The following DOCK3 variants were observed in gnomAD, a reference collection of about 807,000 sequenced individuals.
DOCK3 encodes the protein dedicator of cytokinesis protein 3.
In DOCK3, 60 loss-of-function variants were observed where a neutral mutation model predicts 265.6. The observed-to-expected ratio is 0.23, with a 90% CI of 0.18 to 0.28. The LOEUF is 0.28. DOCK3 is among the 10% of genes least tolerant of loss of function. The pLI is 1.00. For missense variants in DOCK3, 1,981 were observed against 2,594.3 expected, an observed-to-expected ratio of 0.76 and a Z score of 5.14; for synonymous variants, 881 against 938.0, an observed-to-expected ratio of 0.94 and a Z score of 1.11.
At chr3:51,350,566 ACT>A (rs1432674860) in intron 40 of DOCK3, among the ~76,000 whole-genome samples, 174 bp downstream of exon 40, 4 of 152,110 alleles carry the variant, frequency 2.6e-5, no homozygotes. Context: ...CCAACTTCAG[ACT>A]CTGTTTTAGT....
At chr3:50,811,563 G>A (rs1423058392) in intron 2 of DOCK3, among the ~76,000 whole-genome samples, 1 of 152,174 alleles carries the variant, frequency 6.6e-6, no homozygotes, top group East Asian at 1.9e-4. Context: ...TTCAGATATT[G>A]GCACAGATAT....
chr3:51,257,191 G>C (rs58911602), intron 22 of DOCK3, among the ~76,000 whole-genome samples: 11,009 of 152,194 alleles, frequency 0.072, 995 homozygotes, highest in East Asian at 0.32. Flanking sequence ...CCAACACTAA[G>C]GTTTTATCAG....
At chr3:51,155,022 G>A (rs1038411547) in intron 10 of DOCK3, among the ~76,000 whole-genome samples, 8 of 152,032 alleles carry the variant, frequency 5.3e-5, no homozygotes, top group African/African-American at 1.7e-4. Flanking sequence ...TGTGGCCCAG[G>A]CTTCAGTGCA....
intron 27 of DOCK3, among the ~76,000 whole-genome samples, chr3:51,291,495 A>G (rs532905457): frequency 1.3e-5 from 2 of 152,260 alleles, no homozygotes; most frequent in East Asian, 3.9e-4. Flanking sequence ...ATTGGACAAC[A>G]TAGGAGAAAA....
intron 5 of DOCK3, among the ~76,000 whole-genome samples, chr3:50,970,690 G>C (rs977776595): frequency 7.2e-6 from 1 of 138,488 alleles, no homozygotes; most frequent in African/African-American, 2.6e-5. Flanking sequence ...TGATTTCTTT[G>C]TGTTGGTTTT....
intron 1 of DOCK3, among the ~76,000 whole-genome samples, chr3:50,767,849 G>A (rs1234578280): frequency 6.6e-6 from 1 of 152,090 alleles, no homozygotes; most frequent in African/African-American, 2.4e-5. Flanking sequence ...CTTGTAAGTT[G>A]TATTCCTAGG....
intron 8 of DOCK3, among the ~76,000 whole-genome samples, chr3:51,089,838 G>A (rs982312526): frequency 6.8e-6 from 1 of 146,256 alleles, no homozygotes; most frequent in Non-Finnish European, 1.5e-5. Flanking sequence ...GGAGTAGAGT[G>A]CAGTGAGCCG....
intron 23 of DOCK3, among the ~76,000 whole-genome samples, chr3:51,266,627 C>T (rs1305290495): frequency 6.6e-6 from 1 of 152,108 alleles, no homozygotes; most frequent in Non-Finnish European, 1.5e-5. Flanking sequence ...TAGCCATATG[C>T]AGAAAATTGA....
intron 24 of DOCK3, among the ~76,000 whole-genome samples, chr3:51,271,757 A>G (rs2080506906): frequency 6.6e-6 from 1 of 151,252 alleles, no homozygotes; most frequent in Non-Finnish European, 1.5e-5. Flanking sequence ...AGTCTGAGGC[A>G]GGAGAATTGC....
intron 3 of DOCK3, among the ~76,000 whole-genome samples, chr3:50,844,201 G>GTTAT (rs934029666): frequency 2.0e-5 from 3 of 152,120 alleles, no homozygotes; most frequent in East Asian, 1.9e-4. Flanking sequence ...AGTGAATATA[G>GTTAT]TTATTTATTT....
intron 27 of DOCK3, among the ~76,000 whole-genome samples, chr3:51,281,191 G>A (rs1367299222): frequency 2.0e-5 from 3 of 150,132 alleles, no homozygotes; most frequent in African/African-American, 4.9e-5. Flanking sequence ...CCAGTCTTTC[G>A]GCTTCCCTAG....
chr3:50,938,594 A>G (rs1467924649), intron 5 of DOCK3, among the ~76,000 whole-genome samples: 1 of 152,098 alleles, frequency 6.6e-6, no homozygotes, highest in Non-Finnish European at 1.5e-5. Flanking sequence ...AACAAATTAA[A>G]AATCACTAAC....
chr3:50,849,929 T>C (rs2046281709), intron 3 of DOCK3, among the ~76,000 whole-genome samples: 1 of 151,604 alleles, frequency 6.6e-6, no homozygotes, highest in Non-Finnish European at 1.5e-5. Flanking sequence ...AAAAAACCAA[T>C]ATTTAAGCTC....
chr3:51,152,563 G>A (rs535238915), intron 10 of DOCK3, among the ~76,000 whole-genome samples: 1 of 152,264 alleles, frequency 6.6e-6, no homozygotes, highest in African/African-American at 2.4e-5. Context: ...GTCCTTTGGA[G>A]GAGAAGAGGT....
rs370496309 is a variant in DOCK3, at chr3:51,069,651, T to G, written c.464+5055T>G. ...TTCTTTCTCTCCGTCTGTCATTTTT[T>G]CTTCCTCCTCCCCTTTTCTACTTTC... is the stretch of plus-strand genomic sequence containing the variant. On this transcript the variant is annotated intron_variant, in intron 6 of 52. Transcript: ENST00000266037. Among the ~76,000 whole-genome samples, 64 of 152,214 alleles carry G rather than the reference T, an allele frequency of 4.2e-4. 1 individual carries two copies. The highest frequency in any genetic ancestry group is 1.5e-3 in the African/African-American group (63 of 41,546).
chr3:51,154,035 C>T (rs114142815), intron 10 of DOCK3, among the ~76,000 whole-genome samples: 8,413 of 152,214 alleles, frequency 0.055, 275 homozygotes, highest in Non-Finnish European at 0.085. Flanking sequence ...GGACAGATAT[C>T]GCAAAGATTA....
intron 38 of DOCK3, 42 bp from the exon 39 acceptor site, chr3:51,348,810 T>G (rs1477448346): frequency 6.5e-7 from 1 of 1,538,966 alleles, no homozygotes; most frequent in African/African-American, 1.4e-5. Flanking sequence ...TAGGCTATTC[T>G]GAAGATGAGA....
chr3:50,680,076 G>A (rs1402139490), intron 1 of DOCK3, among the ~76,000 whole-genome samples: 7 of 152,096 alleles, frequency 4.6e-5, no homozygotes, highest in Non-Finnish European at 8.8e-5. Context: ...TTATTACACC[G>A]TGTCCTCTGA....
At chr3:50,786,697 A>G (rs928495344) in intron 2 of DOCK3, 1 of 671,102 alleles carries the variant, frequency 1.5e-6, no homozygotes. Flanking sequence ...TTTCACAGAT[A>G]AAGGGTTTCT....
Sources: allele counts gnomAD v4.1 joint callset (sites outside exome capture counted in the v4.1 genomes callset), GRCh38; gene constraint gnomAD v4.1.1; transcripts MANE v1.5; gene names NCBI Gene and HGNC (gene_info 2026-07-23, HGNC 2026-07-21).